Variants in AKNA observed in about 807,000 individuals in gnomAD.
AKNA encodes microtubule organization protein AKNA.
In AKNA, 67 loss-of-function variants were observed where a neutral mutation model predicts 138.8. The ratio of observed to expected loss-of-function variants is 0.48; its 90% CI spans 0.40 to 0.59. The LOEUF (loss-of-function observed/expected upper bound fraction) is 0.59, where lower values mean the gene tolerates loss of function less well. Among genes scored for constraint, AKNA ranks in the 20% least tolerant of loss-of-function variants. The pLI, the probability that AKNA is intolerant of heterozygous loss-of-function variation, is 0.00. For synonymous variants in AKNA, 737 were observed against 754.4 expected (o/e 0.98, Z 0.38); for missense variants, 1,813 against 1,880.4 (o/e 0.96, Z 0.66).
At chr9:114,348,356 C>G (rs778775161) in intron 15 of AKNA, among the ~76,000 whole-genome samples, 6 of 152,238 alleles carry the variant, frequency 3.9e-5, no homozygotes, top group Non-Finnish European at 8.8e-5. Context: ...TCTCCCCACA[C>G]AGACAGTGAG....
chr9:114,366,508 G>A (rs1832371317), intron 6 of AKNA, among the ~76,000 whole-genome samples: 1 of 152,156 alleles, frequency 6.6e-6, no homozygotes, highest in African/African-American at 2.4e-5. Context: ...GCCTAATACA[G>A]ATGAGGTTTC....
intron 4 of AKNA, among the ~76,000 whole-genome samples, chr9:114,371,168 C>A (rs1832745487): frequency 6.6e-6 from 1 of 152,220 alleles, no homozygotes; most frequent in Admixed American, 6.5e-5. Context: ...GCCCCAACCC[C>A]AAGGCTCCAG....
chr9:114,351,724 G>A (rs1053784685), intron 14 of AKNA, among the ~76,000 whole-genome samples: 1 of 152,026 alleles, frequency 6.6e-6, no homozygotes, highest in Non-Finnish European at 1.5e-5. Flanking sequence ...CCAGCTACTT[G>A]GGAGGCTGAA....
intron 18 of AKNA, chr9:114,344,246 T>A (rs1588947074): frequency 5.5e-6 from 1 of 180,398 alleles, no homozygotes; most frequent in Non-Finnish European, 1.2e-5. Context: ...GGGCACAGGG[T>A]CAGTGGTGTT....
intron 21 of AKNA, among the ~76,000 whole-genome samples, chr9:114,339,461 A>ATT (rs140766911): frequency 0.038 from 5,856 of 152,298 alleles, 203 homozygotes; most frequent in Admixed American, 0.1. Context: ...CCATGCATTA[A>ATT]TTCATTCAAT....
chr9:114,360,239 C>A, intron 9 of AKNA, 177 bp from the exon 10 acceptor site: 1 of 754,042 alleles, frequency 1.3e-6, no homozygotes, highest in South Asian at 1.7e-5. Flanking sequence ...GTGTGGTCTT[C>A]GATACTGGCT....
rs369113500 is a variant in AKNA at position 114,376,677 on chromosome 9, C to T, written c.1130G>A (p.Arg377His). 56 of 1,613,136 alleles carry T rather than the reference C, an allele frequency of 3.5e-5. No individual in the cohort carries two copies. Among genetic ancestry groups the T allele is most frequent in the South Asian group, 3.4e-4 (31 of 90,976 alleles). ...RVRFPKDESY[R>H]PPKSRSHNRK... ...GTTGTGGCTTCTGGACTTGGGGGGA[C>T]GGTAGCTCTCATCTTTGGGGAATCT... is the stretch of plus-strand genomic sequence containing the variant. The change falls in exon 3 of 22, where the codon CGT becomes CAT. Residue 377 changes from arginine to histidine, a missense_variant. Coordinates refer to ENST00000374088, the MANE Select transcript of AKNA (RefSeq NM_001317950.2).
chr9:114,364,778 C>T (rs924548648), intron 6 of AKNA, among the ~76,000 whole-genome samples, 159 bp from the exon 7 acceptor site: 5 of 152,178 alleles, frequency 3.3e-5, no homozygotes, highest in African/African-American at 9.7e-5. Context: ...ACAGCTTCTA[C>T]CACCAGCCCC....
chr9:114,359,860 G>T, intron 10 of AKNA, 36 bp downstream of exon 10: 2 of 1,613,884 alleles, frequency 1.2e-6, no homozygotes, highest in Non-Finnish European at 1.7e-6. Flanking sequence ...TCCAGCTGCT[G>T]GCCAGACACC....
upstream of AKNA, among the ~76,000 whole-genome samples, chr9:114,391,532 C>A (rs1834338560): frequency 6.6e-6 from 1 of 152,102 alleles, no homozygotes; most frequent in South Asian, 2.1e-4. Flanking sequence ...CCTGGTCACC[C>A]AGAAAAGAAA....
At chr9:114,380,098 C>T (rs996733256) in intron 2 of AKNA, among the ~76,000 whole-genome samples, 1 of 151,998 alleles carries the variant, frequency 6.6e-6, no homozygotes, top group Admixed American at 6.6e-5. Context: ...CTGCAGTGAG[C>T]CATGATCATG....
chr9:114,383,332 CCTG>C (rs1833820476), intron 1 of AKNA, among the ~76,000 whole-genome samples: 1 of 152,218 alleles, frequency 6.6e-6, no homozygotes, highest in Non-Finnish European at 1.5e-5. Flanking sequence ...TTCTGACGCT[CCTG>C]CTATTTCCCT....
At chr9:114,352,752 A>C (rs191440576) in intron 14 of AKNA, among the ~76,000 whole-genome samples, 122 of 152,072 alleles carry the variant, frequency 8.0e-4, no homozygotes, top group African/African-American at 2.7e-3. Flanking sequence ...GAAACCCCAT[A>C]TCCACTAAAA....
chr9:114,388,460 T>C (rs962767573), upstream of AKNA, among the ~76,000 whole-genome samples: 1 of 152,186 alleles, frequency 6.6e-6, no homozygotes, highest in South Asian at 2.1e-4. Flanking sequence ...ACTCTGCCAA[T>C]GTGCAACCTG....
At chr9:114,351,732 G>A (rs1266664957) in intron 14 of AKNA, among the ~76,000 whole-genome samples, 2 of 152,124 alleles carry the variant, frequency 1.3e-5, no homozygotes, top group Non-Finnish European at 2.9e-5. Flanking sequence ...TTGGGAGGCT[G>A]AAGCAGGAGG....
At position 114,377,368 on chromosome 9, in the gene AKNA, C is replaced by G. The variant is rs1175494796; in HGVS notation, c.439G>C (p.Glu147Gln). ...TGGCCTTCCAAGCTGAGACCAGCCTCATACCCCAACCTTGAGGAGCTCTCT... is the reference window on the plus strand; with the variant it reads ...TGGCCTTCCAAGCTGAGACCAGCCTGATACCCCAACCTTGAGGAGCTCTCT... ...AGESSSRLGY[E>Q]AGLSLEGHGN... is the part of the protein sequence containing the mutation. The change falls in exon 3 of 22, where the codon GAG becomes CAG. Residue 147 changes from glutamate (E) to glutamine (Q), a missense_variant. Physicochemically the swap from Glu to Gln is conservative, Grantham distance 29. Coordinates refer to ENST00000374088, the MANE Select transcript of AKNA (RefSeq NM_001317950.2). 25 of 1,613,796 alleles carry G rather than the reference C, an allele frequency of 1.5e-5. No homozygotes were observed. Among genetic ancestry groups the G allele is most frequent in the Non-Finnish European group, 2.1e-5 (25 of 1,179,924 alleles).
At chr9:114,342,765 C>T (rs1480630085) in intron 19 of AKNA, among the ~76,000 whole-genome samples, 1 of 151,752 alleles carries the variant, frequency 6.6e-6, no homozygotes, top group Non-Finnish European at 1.5e-5. Flanking sequence ...CAGGCACCCC[C>T]CAGCCCCACT....
Position 114,346,775 on chromosome 9 carries a change from T to C in AKNA, c.3408A>G (p.Thr1136=). The change falls in exon 17 of 22, where the codon ACA becomes ACG. Residue 1136 remains threonine (T), a synonymous_variant. Coordinates refer to ENST00000374088, the MANE Select transcript of AKNA (RefSeq NM_001317950.2). ...CTCTAGGCTCACCAGGCAATCTCTC[T>C]GTGGATTTACTAGCAAAAGGAAAGA... ...TWGSHYGSKS[T]ERLPGEPRGE... 6.2e-7 allele frequency: 1 copy of C among 1,611,458 alleles called. No individual in the cohort carries two copies. Among genetic ancestry groups the C allele is most frequent in the South Asian group, 1.1e-5 (1 of 90,616 alleles).
At chr9:114,366,211 C>T (rs563124789) in intron 6 of AKNA, among the ~76,000 whole-genome samples, 238 of 149,172 alleles carry the variant, frequency 1.6e-3, no homozygotes, top group African/African-American at 5.4e-3. Context: ...ACCCGGGAAG[C>T]GGAGGTTGCA....
Sources: allele counts gnomAD v4.1 joint callset (sites outside exome capture counted in the v4.1 genomes callset), GRCh38; gene constraint gnomAD v4.1.1; transcripts MANE v1.5; gene names NCBI Gene and HGNC (gene_info 2026-07-23, HGNC 2026-07-21).